Variants in NLRC5 observed in about 807,000 individuals in gnomAD.
The protein encoded by NLRC5 is protein NLRC5.
In NLRC5, 114 loss-of-function variants were observed where a neutral mutation model predicts 206.9. That is an observed-to-expected ratio of 0.55 (90% confidence interval 0.47 to 0.64). NLRC5 has a LOEUF of 0.64. NLRC5 is among the 30% of genes least tolerant of loss of function. The pLI is 0.00. For missense variants in NLRC5, 2,008 were observed against 2,305.5 expected (o/e 0.87, Z 2.64); for synonymous variants, 952 against 962.8 (o/e 0.99, Z 0.21).
chr16:57,076,961 G>C, intron 40 of NLRC5, 59 bp downstream of exon 40: 2 of 1,447,808 alleles, frequency 1.4e-6, no homozygotes, highest in Non-Finnish European at 9.7e-7. Flanking sequence ...AGATGACAAG[G>C]GCAAGGGGCT....
intron 5 of NLRC5, among the ~76,000 whole-genome samples, chr16:57,024,482 T>A (rs1225694947): frequency 6.6e-6 from 1 of 152,172 alleles, no homozygotes; most frequent in East Asian, 1.9e-4. Context: ...CCTTTCCCCA[T>A]AGGGTTCCCC....
chr16:57,047,704 T>A (rs570534632), intron 23 of NLRC5, 76 bp downstream of exon 23: 2 of 1,232,248 alleles, frequency 1.6e-6, no homozygotes, highest in African/African-American at 3.0e-5. Flanking sequence ...GCTTCTTGGT[T>A]AGAAGACAGG....
intron 41 of NLRC5, among the ~76,000 whole-genome samples, 154 bp downstream of exon 41, chr16:57,077,533 G>A (rs145084797): frequency 1.0e-3 from 159 of 152,206 alleles, no homozygotes; most frequent in Non-Finnish European, 1.8e-3. Context: ...CCCTCACTGC[G>A]GGACCTTAAG....
chr16:57,077,171 G>T (rs1364609844), intron 40 of NLRC5, 125 bp from the exon 41 acceptor site: 2 of 833,398 alleles, frequency 2.4e-6, no homozygotes, highest in East Asian at 2.6e-5. Flanking sequence ...TCAACATGGG[G>T]TGATGGGGCT....
Position 57,037,219 on chromosome 16 carries a change from G to C in NLRC5, c.2736G>C (p.Val912=). 6.2e-7 allele frequency: 1 copy of C among 1,613,816 alleles called. No individual in the cohort carries two copies. The highest frequency in any genetic ancestry group is 8.5e-7 in the Non-Finnish European group (1 of 1,179,952). Residue 912 remains valine (V), a synonymous_variant, in exon 15 of 49, where the codon GTG becomes GTC. Coordinates refer to ENST00000688547, the MANE Select transcript of NLRC5 (RefSeq NM_001384950.1). The part of the protein sequence containing the change: ...KLDLSNNGLS[V]AGVHCVLRAV... Reference sequence around the variant, plus strand: ...GCCTCAGTAACAACGGGCTTTCTGTGGCCGGGGTGCATTGTGTGCTGAGGG... The same window carrying C: ...GCCTCAGTAACAACGGGCTTTCTGTCGCCGGGGTGCATTGTGTGCTGAGGG...
intron 29 of NLRC5, 187 bp downstream of exon 29, chr16:57,059,248 C>A: frequency 6.8e-7 from 1 of 1,475,442 alleles, no homozygotes; most frequent in Non-Finnish European, 9.0e-7. Context: ...CCCTGATGCC[C>A]GGGTGCCATG....
At chr16:57,024,937 G>A (rs1285405093) in intron 5 of NLRC5, among the ~76,000 whole-genome samples, 3 of 152,158 alleles carry the variant, frequency 2.0e-5, no homozygotes, top group Non-Finnish European at 4.4e-5. Context: ...TTGAGACCAG[G>A]AGTTTGCGGC....
chr16:57,072,450 C>T (rs1226960179), intron 38 of NLRC5, among the ~76,000 whole-genome samples: 2 of 152,160 alleles, frequency 1.3e-5, no homozygotes, highest in Non-Finnish European at 2.9e-5. Context: ...ATGTGAGTAA[C>T]AGAAGAGGAA....
intron 33 of NLRC5, 57 bp from the exon 34 acceptor site, chr16:57,066,477 G>A: frequency 6.6e-7 from 1 of 1,523,456 alleles, no homozygotes; most frequent in Non-Finnish European, 9.1e-7. Context: ...CCAGGTGCCA[G>A]CTAGGCCCTC....
At chr16:57,055,336 C>G in intron 26 of NLRC5, 97 bp from the exon 27 acceptor site, 1 of 1,190,772 alleles carries the variant, frequency 8.4e-7, no homozygotes. Flanking sequence ...GGAGACCCAC[C>G]TGGAGCCCAG....
chr16:57,047,811 G>C, intron 23 of NLRC5, 183 bp downstream of exon 23: 1 of 616,640 alleles, frequency 1.6e-6, no homozygotes, highest in Non-Finnish European at 2.9e-6. Flanking sequence ...CCCAGCCTTA[G>C]GCAGCGCATG....
chr16:56,994,471 A>G (rs1446775585), intron 1 of NLRC5, among the ~76,000 whole-genome samples: 2 of 152,164 alleles, frequency 1.3e-5, no homozygotes, highest in Non-Finnish European at 2.9e-5. Flanking sequence ...GAACACAACC[A>G]ACTCCCTGCC....
Position 57,029,857 on chromosome 16 carries a change from G to A in NLRC5, c.2327+1G>A, listed in dbSNP as rs2061609188. The A allele has an allele frequency of 3.1e-6, 5 of 1,613,886 alleles. No homozygotes were observed. The highest frequency in any genetic ancestry group is 4.2e-6 in the Non-Finnish European group (5 of 1,179,764). On this transcript the variant is annotated splice_donor_variant, in intron 9 of 48. Coordinates refer to ENST00000688547, the MANE Select transcript of NLRC5 (RefSeq NM_001384950.1). LOFTEE classifies it high-confidence loss of function. ...ACCTACCACGGCTCCGGAAGCTTGA[G>A]TAAGTGATCTTTCCACTGCCTCTGC...
intron 46 of NLRC5, among the ~76,000 whole-genome samples, chr16:57,080,143 T>TG (rs1376325592): frequency 1.3e-5 from 2 of 152,312 alleles, no homozygotes; most frequent in East Asian, 3.9e-4. Context: ...AGGACTAGCC[T>TG]GGGACCCTAA....
chr16:57,041,014 A>C (rs1347569060), intron 17 of NLRC5, among the ~76,000 whole-genome samples: 1 of 152,102 alleles, frequency 6.6e-6, no homozygotes, highest in Non-Finnish European at 1.5e-5. Flanking sequence ...AAAGAGGTGA[A>C]GGGGAGCACT....
chr16:57,073,895 G>C (rs984893771), intron 38 of NLRC5, among the ~76,000 whole-genome samples: 13 of 152,224 alleles, frequency 8.5e-5, no homozygotes, highest in African/African-American at 2.7e-4. Flanking sequence ...CGCCCAGCCA[G>C]TTCTGTTTCT....
intron 16 of NLRC5, among the ~76,000 whole-genome samples, chr16:57,040,190 G>A (rs560587246): frequency 5.3e-4 from 81 of 152,276 alleles, no homozygotes; most frequent in Non-Finnish European, 4.0e-4. Flanking sequence ...GGTCCTGGTC[G>A]GAACTTCTGT....
At chr16:57,052,309 C>T (rs926251896) in intron 24 of NLRC5, among the ~76,000 whole-genome samples, 1 of 151,988 alleles carries the variant, frequency 6.6e-6, no homozygotes, top group Non-Finnish European at 1.5e-5. Context: ...CCCGTCTCTA[C>T]TAAAAATACA....
At position 57,035,819 on chromosome 16, in the gene NLRC5, C is replaced by T. The variant is rs1449434535; in HGVS notation, c.2628-281C>T. ...CCCTCGAGCAAGTGCCTTAACTTTACTCTGCACTTAACCACTCTGCACTTG... is the reference window on the plus strand; with the variant it reads ...CCCTCGAGCAAGTGCCTTAACTTTATTCTGCACTTAACCACTCTGCACTTG... On this transcript the variant is annotated intron_variant, in intron 13 of 48. Transcript: ENST00000688547. Among the ~76,000 whole-genome samples, 5 of 152,222 alleles carry T rather than the reference C, an allele frequency of 3.3e-5. No individual in the cohort carries two copies. The East Asian group carries it at 7.7e-4, about 23-fold the overall frequency.
Sources: allele counts gnomAD v4.1 joint callset (sites outside exome capture counted in the v4.1 genomes callset), GRCh38; gene constraint gnomAD v4.1.1; transcripts MANE v1.5; gene names NCBI Gene and HGNC (gene_info 2026-07-23, HGNC 2026-07-21).